Variants in EDIL3 observed in about 807,000 individuals in gnomAD.
The protein encoded by EDIL3 is EGF-like repeat and discoidin I-like domain-containing protein 3.
A neutral mutation model predicts 67.4 loss-of-function variants in EDIL3; 37 were observed. The ratio of observed to expected loss-of-function variants is 0.55; its 90% confidence interval spans 0.42 to 0.72. The LOEUF (loss-of-function observed/expected upper bound fraction) is 0.72, where lower values mean the gene tolerates loss of function less well. Ranked by LOEUF, EDIL3 falls within the 30% of genes least tolerant of loss-of-function variation. The probability of loss-of-function intolerance (pLI) is 0.00; values close to 1 mark genes in which losing one functional copy is unlikely to be tolerated. For synonymous variants in EDIL3, 195 were observed against 196.3 expected (o/e 0.99, Z 0.05); for missense variants, 527 against 586.3 (o/e 0.90, Z 1.04).
chr5:84,060,657 C>T (rs774835706), intron 8 of EDIL3, among the ~76,000 whole-genome samples, 173 bp from the exon 9 acceptor site: 2 of 151,932 alleles, frequency 1.3e-5, no homozygotes, highest in African/African-American at 2.4e-5. Flanking sequence ...GAAACAAAAT[C>T]GAAAAACAAG....
intron 1 of EDIL3, among the ~76,000 whole-genome samples, chr5:84,359,203 C>T (rs759178452): frequency 2.0e-5 from 3 of 152,116 alleles, no homozygotes; most frequent in Non-Finnish European, 4.4e-5. Flanking sequence ...GAAAACATTA[C>T]CACACGTATC....
At chr5:84,237,040 A>G (rs185975357) in intron 2 of EDIL3, among the ~76,000 whole-genome samples, 16 of 152,232 alleles carry the variant, frequency 1.1e-4, no homozygotes, top group South Asian at 6.2e-4. Flanking sequence ...AGCCGAGGCT[A>G]CCAGCTCACT....
At chr5:84,180,712 G>T (rs187605278) in intron 3 of EDIL3, among the ~76,000 whole-genome samples, 191 bp from the exon 4 acceptor site, 4 of 152,176 alleles carry the variant, frequency 2.6e-5, no homozygotes, top group African/African-American at 4.8e-5. Context: ...CTTCACAGGC[G>T]TGCAGTCTTG....
intron 9 of EDIL3, among the ~76,000 whole-genome samples, chr5:84,037,144 T>C (rs1351793743): frequency 6.6e-6 from 1 of 152,202 alleles, no homozygotes; most frequent in East Asian, 1.9e-4. Flanking sequence ...AGAGCACTTT[T>C]GCACAAATGC....
intron 4 of EDIL3, among the ~76,000 whole-genome samples, chr5:84,172,984 C>G (rs1208456755): frequency 6.6e-6 from 1 of 152,178 alleles, no homozygotes; most frequent in African/African-American, 2.4e-5. Context: ...GCTCTTCAGC[C>G]TCTCAAACCT....
intron 2 of EDIL3, among the ~76,000 whole-genome samples, chr5:84,244,521 T>C (rs2112063630): frequency 6.6e-6 from 1 of 151,560 alleles, no homozygotes; most frequent in African/African-American, 2.4e-5. Flanking sequence ...ACCCCTGAAC[T>C]CAAGTGAACT....
At chr5:84,202,658 A>G (rs1178078988) in intron 3 of EDIL3, among the ~76,000 whole-genome samples, 3 of 152,264 alleles carry the variant, frequency 2.0e-5, no homozygotes, top group Non-Finnish European at 2.9e-5. Flanking sequence ...AATATTTGAG[A>G]GCAGAGGGGA....
chr5:84,322,187 G>A lies in EDIL3; in HGVS notation c.67+62121C>T, dbSNP rs78450592. ...CAAACTTCACGAGATATTCAAAGAA[G>A]CAGAAAAGTATGACCCACTCAAAAA... On this transcript the variant is annotated intron_variant, in intron 1 of 10. Coordinates refer to ENST00000296591, the MANE Select transcript of EDIL3 (RefSeq NM_005711.5). Among the ~76,000 whole-genome samples the A allele has an allele frequency of 9.1e-4, 138 of 151,386 alleles. 1 individual carries two copies. In the East Asian group the frequency reaches 0.023, roughly 26 times the overall value.
At chr5:84,228,657 C>A (rs898912787) in intron 3 of EDIL3, among the ~76,000 whole-genome samples, 1 of 152,088 alleles carries the variant, frequency 6.6e-6, no homozygotes, top group African/African-American at 2.4e-5. Context: ...TAATGAGTAT[C>A]ATGCAACATG....
chr5:84,294,011 CA>C (rs907556178), intron 1 of EDIL3, among the ~76,000 whole-genome samples: 6 of 151,662 alleles, frequency 4.0e-5, no homozygotes, highest in African/African-American at 1.5e-4. Flanking sequence ...TGGCAGCATC[CA>C]AAAAAGTAAG....
intron 6 of EDIL3, among the ~76,000 whole-genome samples, chr5:84,102,143 A>C (rs1392837960): frequency 6.6e-6 from 1 of 152,120 alleles, no homozygotes; most frequent in African/African-American, 2.4e-5. Context: ...AACTCTCAAT[A>C]AACTTGGTAC....
chr5:83,970,567 G>GTT (rs1474033259), intron 9 of EDIL3, among the ~76,000 whole-genome samples: 1 of 143,364 alleles, frequency 7.0e-6, no homozygotes, highest in Non-Finnish European at 1.5e-5. Flanking sequence ...TTCCTTTCAA[G>GTT]TTTTATTTTA....
At chr5:83,945,178 G>A (rs1744290678) in intron 10 of EDIL3, among the ~76,000 whole-genome samples, 1 of 151,940 alleles carries the variant, frequency 6.6e-6, no homozygotes, top group African/African-American at 2.4e-5. Context: ...GTAATGCCCT[G>A]TCTTGCACAA....
intron 5 of EDIL3, among the ~76,000 whole-genome samples, chr5:84,128,860 T>C (rs73769733): frequency 0.032 from 4,828 of 152,208 alleles, 237 homozygotes; most frequent in African/African-American, 0.11. Context: ...CCTGGACATA[T>C]ACAGTTTAGC....
chr5:84,095,607 G>T (rs1742556102), intron 6 of EDIL3, among the ~76,000 whole-genome samples: 1 of 152,188 alleles, frequency 6.6e-6, no homozygotes, highest in African/African-American at 2.4e-5. Context: ...TCTGGCAGAA[G>T]AAATTTCTAA....
Position 84,064,829 on chromosome 5 carries a change from T to A in EDIL3, c.823A>T (p.Ile275Phe). 6.2e-7 allele frequency: 1 copy of A among 1,610,858 alleles called. No individual in the cohort carries two copies. The highest frequency in any genetic ancestry group is 2.2e-5 in the East Asian group (1 of 44,840). Residue 275 changes from isoleucine to phenylalanine, a missense_variant, in exon 8 of 11, where the codon ATT (isoleucine) becomes TTT (phenylalanine). Around this residue, in one of 2 missense-constraint regions of EDIL3, gnomAD observed 494 missense variants for 522.5 expected, o/e 0.95. Coordinates refer to ENST00000296591, the MANE Select transcript of EDIL3 (RefSeq NM_005711.5). Reference sequence around the variant, plus strand: ...TTAGCATATGGAGTGTTGTTATCAATGTTTCCACGAAACACCTGTGTAAAA... The same window carrying A: ...TTAGCATATGGAGTGTTGTTATCAAAGTTTCCACGAAACACCTGTGTAAAA... ...TNEDMVFRGN[I>F]DNNTPYANSF...
chr5:83,949,247 C>A (rs1334715704), intron 10 of EDIL3, among the ~76,000 whole-genome samples: 2 of 151,690 alleles, frequency 1.3e-5, no homozygotes, highest in Admixed American at 6.6e-5. Flanking sequence ...CATCCCATAG[C>A]ATCCTGAGTG....
chr5:84,370,031 CAT>C (rs1747812516), intron 1 of EDIL3, among the ~76,000 whole-genome samples: 1 of 152,174 alleles, frequency 6.6e-6, no homozygotes, highest in African/African-American at 2.4e-5. Flanking sequence ...TTTCTTAACA[CAT>C]AAACAGGAGC....
At chr5:84,159,613 A>T (rs1748567736) in intron 4 of EDIL3, among the ~76,000 whole-genome samples, 1 of 152,002 alleles carries the variant, frequency 6.6e-6, no homozygotes, top group African/African-American at 2.4e-5. Context: ...TATATACTTA[A>T]GAATTTATAA....
Sources: allele counts gnomAD v4.1 joint callset (sites outside exome capture counted in the v4.1 genomes callset), GRCh38; gene constraint gnomAD v4.1.1; regional missense constraint gnomAD v4.1.1; transcripts MANE v1.5; gene names NCBI Gene and HGNC (gene_info 2026-07-23, HGNC 2026-07-21).